Variants in TUSC3 observed in about 807,000 individuals in gnomAD.
The protein encoded by TUSC3 is dolichyl-diphosphooligosaccharide--protein glycosyltransferase subunit TUSC3.
TUSC3 carries 45 observed loss-of-function variants against 44.8 expected under a neutral mutation model. The ratio of observed to expected loss-of-function variants is 1.00; its 90% confidence interval spans 0.79 to 1.29. TUSC3 has a LOEUF of 1.29. Ranked by LOEUF, TUSC3 falls within the 50% of genes most tolerant of loss-of-function variation. TUSC3 has a pLI of 0.00. For synonymous variants in TUSC3, 212 were observed against 152.9 expected (o/e 1.39, Z -2.85); for missense variants, 519 against 437.9 (o/e 1.19, Z -1.65).
the TUSC3 span, among the ~76,000 whole-genome samples, chr8:15,779,413 T>G: frequency 4.6e-5 from 7 of 152,166 alleles, no homozygotes; most frequent in East Asian, 9.7e-4. Flanking sequence ...AAAAATATCC[T>G]TTAACCATGT....
chr8:15,541,625 C>T (rs990877809), intron 1 of TUSC3, among the ~76,000 whole-genome samples: 11 of 152,052 alleles, frequency 7.2e-5, no homozygotes, highest in African/African-American at 2.7e-4. Flanking sequence ...AACTAATGTA[C>T]CTCTCTTCAG....
rs918551223 is a variant in TUSC3 at position 15,661,255 on chromosome 8, C to G, written c.568-901C>G. Among the ~76,000 whole-genome samples the G allele has an allele frequency of 1.3e-5, 2 of 152,066 alleles. 1 individual carries two copies. Among genetic ancestry groups the G allele is most frequent in the Admixed American group, 1.3e-4 (2 of 15,254 alleles). On this transcript the variant is annotated intron_variant, in intron 4 of 10. Transcript: ENST00000503731. Reference sequence around the variant, plus strand: ...CCATATTACAATTTTGTCAAGTAACCTAATACCCTTTACATTGTCCACCTT... The same window carrying G: ...CCATATTACAATTTTGTCAAGTAACGTAATACCCTTTACATTGTCCACCTT...
intron 2 of TUSC3, among the ~76,000 whole-genome samples, chr8:15,642,217 T>C (rs1806403566): frequency 6.6e-6 from 1 of 152,218 alleles, no homozygotes; most frequent in Non-Finnish European, 1.5e-5. Context: ...TAGATCTCTC[T>C]CTATACAATA....
intron 1 of TUSC3, among the ~76,000 whole-genome samples, chr8:15,545,098 A>G (rs1801818811): frequency 6.6e-6 from 1 of 151,820 alleles, no homozygotes; most frequent in African/African-American, 2.4e-5. Context: ...CAAGGAAATT[A>G]AAATTCAGAG....
intron 1 of TUSC3, among the ~76,000 whole-genome samples, chr8:15,611,306 C>T (rs1450463167): frequency 6.6e-6 from 1 of 152,138 alleles, no homozygotes; most frequent in African/African-American, 2.4e-5. Flanking sequence ...CCTGCCTCAG[C>T]CTCCCAAGTA....
intron 2 of TUSC3, among the ~76,000 whole-genome samples, chr8:15,507,630 C>A (rs887368686): frequency 6.6e-6 from 1 of 151,928 alleles, no homozygotes; most frequent in Admixed American, 6.6e-5. Context: ...AGGATGATTT[C>A]GGAAACCTCC....
chr8:15,728,197 G>A (rs1810577250), intron 6 of TUSC3, among the ~76,000 whole-genome samples: 1 of 152,146 alleles, frequency 6.6e-6, no homozygotes, highest in Admixed American at 6.6e-5. Flanking sequence ...AGGGTTCTGA[G>A]CAAAGTAATG....
chr8:15,458,176 A>G (rs1327621005), intron 1 of TUSC3, among the ~76,000 whole-genome samples: 1 of 152,156 alleles, frequency 6.6e-6, no homozygotes, highest in Non-Finnish European at 1.5e-5. Flanking sequence ...AAAGTCATAT[A>G]AGAAAATGTA....
chr8:15,433,026 C>T (rs1024081641), intron 1 of TUSC3, among the ~76,000 whole-genome samples: 2 of 152,150 alleles, frequency 1.3e-5, no homozygotes, highest in African/African-American at 4.8e-5. Flanking sequence ...CTGCAATTCC[C>T]TTAGAAACTG....
upstream of TUSC3, among the ~76,000 whole-genome samples, chr8:15,537,651 A>T (rs144785103): frequency 3.8e-3 from 579 of 152,282 alleles, 6 homozygotes; most frequent in African/African-American, 0.013. Context: ...GACCCTGTGG[A>T]GGGAGCGTAA....
intron 2 of TUSC3, among the ~76,000 whole-genome samples, chr8:15,531,914 G>A (rs1163005024): frequency 1.3e-5 from 2 of 152,060 alleles, no homozygotes; most frequent in African/African-American, 4.8e-5. Context: ...CAAAGAAAAA[G>A]GAAAGAAACT....
chr8:15,586,259 A>G (rs1264413273), intron 1 of TUSC3, among the ~76,000 whole-genome samples: 1 of 152,170 alleles, frequency 6.6e-6, no homozygotes, highest in Non-Finnish European at 1.5e-5. Flanking sequence ...CAAGGTGAAA[A>G]CAAACAGCTT....
At chr8:15,531,400 C>T (rs371574018) in intron 2 of TUSC3, among the ~76,000 whole-genome samples, 3 of 152,150 alleles carry the variant, frequency 2.0e-5, no homozygotes, top group Non-Finnish European at 4.4e-5. Context: ...TACAGGCACC[C>T]GCCACAGTGC....
chr8:15,732,422 T>C (rs11993281), intron 7 of TUSC3, among the ~76,000 whole-genome samples: 21,982 of 152,116 alleles, frequency 0.14, 2,001 homozygotes, highest in East Asian at 0.28. Context: ...CCTTTCACCA[T>C]GATTGTGAGG....
chr8:15,650,040 G>A (rs1806820098), intron 2 of TUSC3, among the ~76,000 whole-genome samples: 1 of 151,974 alleles, frequency 6.6e-6, no homozygotes, highest in South Asian at 2.1e-4. Flanking sequence ...TGGAAAATTA[G>A]CAAAATATCT....
intron 10 of TUSC3, chr8:15,758,288 A>G (rs1357231850): frequency 1.0e-6 from 1 of 972,080 alleles, no homozygotes; most frequent in Non-Finnish European, 1.2e-6. Context: ...CAGTTAACTT[A>G]CTGAAAACTT....
intron 9 of TUSC3, among the ~76,000 whole-genome samples, 170 bp from the exon 10 acceptor site, chr8:15,757,621 G>A (rs964491810): frequency 2.0e-5 from 3 of 152,170 alleles, no homozygotes; most frequent in Non-Finnish European, 4.4e-5. Context: ...AGGATTTAGA[G>A]ATGATTAAGA....
intron 1 of TUSC3, among the ~76,000 whole-genome samples, chr8:15,541,896 C>T (rs1801704684): frequency 6.9e-6 from 1 of 144,610 alleles, no homozygotes; most frequent in Non-Finnish European, 1.6e-5. Flanking sequence ...TGAAGAACTC[C>T]ATGGAAATTG....
chr8:15,526,311 C>T (rs767316853), intron 2 of TUSC3, among the ~76,000 whole-genome samples: 2 of 152,102 alleles, frequency 1.3e-5, no homozygotes, highest in South Asian at 2.1e-4. Context: ...GGATTACAGG[C>T]GTGAGCCACC....
Sources: gnomAD v4.1 joint callset for allele counts (sites outside exome capture counted in the v4.1 genomes callset) on GRCh38, gnomAD v4.1.1 for gene constraint, MANE v1.5 for transcripts, NCBI Gene and HGNC (gene_info 2026-07-23, HGNC 2026-07-21) for gene names.